Variants in ARMC10 observed in about 807,000 individuals in gnomAD.
ARMC10 encodes armadillo repeat-containing protein 10.
Under a neutral mutation model 30.2 loss-of-function variants are expected in ARMC10, and 23 were observed. That is an observed-to-expected ratio of 0.76 (90% CI 0.55 to 1.08). ARMC10 has a LOEUF of 1.08. Among genes scored for constraint, ARMC10 ranks in the 50% least tolerant of loss-of-function variants. ARMC10 has a pLI of 0.00. For synonymous variants in ARMC10, 111 were observed against 164.4 expected (o/e 0.68, Z 2.48); for missense variants, 303 against 413.7 (o/e 0.73, Z 2.32).
chr7:103,096,381 A>C (rs924810404), intron 5 of ARMC10: 11 of 152,268 alleles, frequency 7.2e-5, no homozygotes, highest in Middle Eastern at 6.8e-3. Context: ...GCTTATTTAT[A>C]TGATTGTAAA....
chr7:103,096,521 G>A (rs1457722502), intron 5 of ARMC10: 2 of 152,120 alleles, frequency 1.3e-5, no homozygotes, highest in East Asian at 3.8e-4. Context: ...AATGAGCTGA[G>A]CTTTGAGAGA....
chr7:103,091,434 C>T (rs1341301586), intron 4 of ARMC10, among the ~76,000 whole-genome samples: 4 of 152,212 alleles, frequency 2.6e-5, no homozygotes, highest in African/African-American at 4.8e-5. Flanking sequence ...AAGAGTACTA[C>T]AGCATTGCAT....
intron 2 of ARMC10, among the ~76,000 whole-genome samples, chr7:103,078,360 C>T (rs2129519870): frequency 6.6e-6 from 1 of 152,316 alleles, no homozygotes; most frequent in East Asian, 1.9e-4. Flanking sequence ...GGCAGTTCCC[C>T]TCCCCTCCAT....
chr7:103,075,727 T>A, intron 1 of ARMC10, 50 bp from the exon 2 acceptor site: 1 of 1,383,586 alleles, frequency 7.2e-7, no homozygotes. Context: ...CTCCCGATTG[T>A]GGAAGGGCTG....
chr7:103,075,196 T>TGCGCTGGAGACCTCC lies in ARMC10; in HGVS notation c.-69_-55dup, dbSNP rs1206930961. On this transcript the variant is annotated 5_prime_UTR_variant, in exon 1 of 7. Transcript: ENST00000323716. ...GTTTGCTGTGGCGGCTAGGCCCGCG[T>TGCGCTGGAGACCTCC]GCGCTGGAGACCTCCGCGCTGGCCC... The TGCGCTGGAGACCTCC allele has an allele frequency of 3.7e-5, 39 of 1,051,362 alleles. No homozygotes were observed. The highest frequency in any genetic ancestry group is 4.4e-5 in the Non-Finnish European group (38 of 856,898). The allele number at this position is 1,051,362 out of a possible 1,614,324, so 65.1% of individuals were successfully genotyped here.
intron 2 of ARMC10, among the ~76,000 whole-genome samples, chr7:103,079,617 T>C (rs1207097986): frequency 6.6e-6 from 1 of 152,192 alleles, no homozygotes; most frequent in Non-Finnish European, 1.5e-5. Context: ...GGTGGCATAA[T>C]GATTTACTTG....
intron 6 of ARMC10, 101 bp from the exon 7 acceptor site, chr7:103,098,198 A>C: frequency 8.7e-7 from 1 of 1,151,664 alleles, no homozygotes; most frequent in Admixed American, 3.8e-5. Context: ...AAAAATTTTA[A>C]AATGTGAGTT....
intron 4 of ARMC10, 109 bp downstream of exon 4, chr7:103,086,873 G>A (rs1167609530): frequency 2.0e-6 from 3 of 1,535,790 alleles, no homozygotes; most frequent in South Asian, 2.4e-5. Flanking sequence ...TTACAGCCAA[G>A]GATTACCTTT....
intron 4 of ARMC10, among the ~76,000 whole-genome samples, chr7:103,090,775 G>A (rs1801249107): frequency 6.6e-6 from 1 of 151,456 alleles, no homozygotes; most frequent in South Asian, 2.1e-4. Flanking sequence ...GCATGCATCT[G>A]TAATCCCAGC....
At chr7:103,078,722 A>G (rs1177242840) in intron 2 of ARMC10, among the ~76,000 whole-genome samples, 1 of 151,892 alleles carries the variant, frequency 6.6e-6, no homozygotes, top group Non-Finnish European at 1.5e-5. Context: ...GCTGGAGTGC[A>G]GTGGCGATCT....
chr7:103,083,912 C>T, intron 3 of ARMC10, 82 bp downstream of exon 3: 1 of 1,527,748 alleles, frequency 6.5e-7, no homozygotes, highest in Non-Finnish European at 8.9e-7. Flanking sequence ...ATTACTTAAC[C>T]TCTCAGACCC....
chr7:103,084,364 A>G (rs925397284), intron 3 of ARMC10, among the ~76,000 whole-genome samples: 1 of 152,200 alleles, frequency 6.6e-6, no homozygotes, highest in African/African-American at 2.4e-5. Flanking sequence ...GTTAAAACAA[A>G]ATTTCGTAAT....
In ARMC10 at chr7:103,098,654, T is replaced by G. The variant is rs1215104823; in HGVS notation, c.*101T>G. Reference sequence around the variant, plus strand: ...CCAGCTGCTAAATTTAAACAGTAAATATCACATTTTGTCATTAACACAGCT... The same window carrying G: ...CCAGCTGCTAAATTTAAACAGTAAAGATCACATTTTGTCATTAACACAGCT... On this transcript the variant is annotated 3_prime_UTR_variant, in exon 7 of 7. Transcript: ENST00000323716. The G allele has an allele frequency of 2.0e-6, 3 of 1,488,226 alleles. No homozygotes were observed. The highest frequency in any genetic ancestry group is 4.9e-5 in the Admixed American group (2 of 41,218). 92.2% of individuals were successfully genotyped at this position (1,488,226 alleles called of 1,614,324 possible). A position where few individuals can be genotyped will look rare whatever the true frequency, so the allele number is the denominator to read the frequency against.
At chr7:103,078,269 G>A (rs1207584339) in intron 2 of ARMC10, among the ~76,000 whole-genome samples, 1 of 152,146 alleles carries the variant, frequency 6.6e-6, no homozygotes, top group African/African-American at 2.4e-5. Flanking sequence ...CACTGTGCCC[G>A]GCCCAAATGT....
intron 1 of ARMC10, 142 bp downstream of exon 1, chr7:103,075,553 TGCGCCGCCC>T: frequency 5.6e-6 from 6 of 1,073,942 alleles, no homozygotes; most frequent in Non-Finnish European, 7.5e-6. Flanking sequence ...TGCAGGGTGC[TGCGCCGCCC>T]CCGCCGCCCC....
chr7:103,076,875 A>T (rs889112623), intron 2 of ARMC10, among the ~76,000 whole-genome samples: 10 of 152,204 alleles, frequency 6.6e-5, no homozygotes, highest in Non-Finnish European at 1.5e-4. Flanking sequence ...ATTTGTATCA[A>T]AGAAGCAGAA....
At chr7:103,078,845 C>CA (rs1386575118) in intron 2 of ARMC10, among the ~76,000 whole-genome samples, 4 of 151,798 alleles carry the variant, frequency 2.6e-5, no homozygotes, top group East Asian at 1.9e-4. Context: ...CCCATCTCTA[C>CA]AAAAAATAGA....
chr7:103,092,859 C>T (rs141253345), intron 5 of ARMC10, among the ~76,000 whole-genome samples: 9 of 152,248 alleles, frequency 5.9e-5, no homozygotes, highest in Admixed American at 2.0e-4. Context: ...GATTCCTGTT[C>T]ATTTGGTTTT....
intron 2 of ARMC10, among the ~76,000 whole-genome samples, chr7:103,078,497 T>G (rs1800095798): frequency 1.3e-5 from 2 of 152,140 alleles, no homozygotes; most frequent in Non-Finnish European, 2.9e-5. Flanking sequence ...CCACCATGAT[T>G]GTAAGTTTCC....
Sources: gnomAD v4.1 joint callset for allele counts (sites outside exome capture counted in the v4.1 genomes callset) on GRCh38, gnomAD v4.1.1 for gene constraint, MANE v1.5 for transcripts, NCBI Gene and HGNC (gene_info 2026-07-23, HGNC 2026-07-21) for gene names.